CPPED1: variants seen among roughly 807,000 people sequenced by gnomAD.
CPPED1 encodes calcineurin like phosphoesterase domain containing 1.
Under a neutral mutation model 28.0 loss-of-function variants are expected in CPPED1, and 28 were observed. The ratio of observed to expected loss-of-function variants is 1.00; its 90% confidence interval spans 0.74 to 1.37. The LOEUF is 1.37. Among genes scored for constraint, CPPED1 ranks in the 40% most tolerant of loss-of-function variants. CPPED1 has a pLI of 0.00. For missense variants in CPPED1, 504 were observed against 416.5 expected (o/e 1.21, Z -1.83); for synonymous variants, 198 against 180.2 (o/e 1.10, Z -0.79).
intron 2 of CPPED1, among the ~76,000 whole-genome samples, chr16:12,769,017 C>T (rs2080455319): frequency 6.6e-6 from 1 of 152,052 alleles, no homozygotes; most frequent in Admixed American, 6.5e-5. Flanking sequence ...AGGCACATGC[C>T]CCCACACCTG....
At chr16:12,701,369 AC>A (rs2080019805) in intron 3 of CPPED1, among the ~76,000 whole-genome samples, 1 of 151,580 alleles carries the variant, frequency 6.6e-6, no homozygotes, top group African/African-American at 2.4e-5. Flanking sequence ...CCCCATCTCT[AC>A]TAAAAATGCA....
Position 12,729,966 on chromosome 16 carries a change from A to G in CPPED1, c.290-24917T>C, listed in dbSNP as rs1379962471. Among the ~76,000 whole-genome samples, 3 of 152,134 alleles carry G rather than the reference A, an allele frequency of 2.0e-5. No individual in the cohort carries two copies. The East Asian group carries it at 5.8e-4, about 29-fold the overall frequency. The stretch of plus-strand genomic sequence containing the variant: ...AACCTCAACCTCCTGGGCTCAAGTT[A>G]TCCTCCCAGCTCAGCCTCCCAAGGT... On this transcript the variant is annotated intron_variant, in intron 2 of 3. Transcript: ENST00000381774.
intron 1 of CPPED1, among the ~76,000 whole-genome samples, chr16:12,798,909 T>C (rs1263275068): frequency 6.6e-6 from 1 of 152,166 alleles, no homozygotes; most frequent in African/African-American, 2.4e-5. Context: ...AGGTGAGACA[T>C]GTACAATTTT....
At chr16:12,794,096 CT>C (rs891222880) in intron 1 of CPPED1, among the ~76,000 whole-genome samples, 6 of 152,058 alleles carry the variant, frequency 3.9e-5, no homozygotes, top group African/African-American at 1.4e-4. Flanking sequence ...CACTTTGGGA[CT>C]CTTTCTGACT....
chr16:12,746,722 T>G (rs1249800638), intron 2 of CPPED1, among the ~76,000 whole-genome samples: 3 of 152,194 alleles, frequency 2.0e-5, no homozygotes, highest in Admixed American at 2.0e-4. Flanking sequence ...TTTGTGGAAG[T>G]AAAATATGTG....
chr16:12,736,548 G>C (rs535150826), intron 2 of CPPED1, among the ~76,000 whole-genome samples: 85 of 152,156 alleles, frequency 5.6e-4, no homozygotes, highest in African/African-American at 2.0e-3. Flanking sequence ...CTGGATTTTG[G>C]CTTTCATTGT....
At chr16:12,718,871 G>A (rs534550500) in intron 2 of CPPED1, among the ~76,000 whole-genome samples, 2 of 152,176 alleles carry the variant, frequency 1.3e-5, no homozygotes, top group East Asian at 1.9e-4. Context: ...GCTGAGGCAG[G>A]AGAATCATTT....
Position 12,682,859 on chromosome 16 carries a change from G to C in CPPED1, c.716-17744C>G, listed in dbSNP as rs978112342. Among the ~76,000 whole-genome samples the C allele has an allele frequency of 2.6e-5, 4 of 152,144 alleles. No homozygotes were observed. Among genetic ancestry groups the C allele is most frequent in the African/African-American group, 9.7e-5 (4 of 41,406 alleles). ...CAGCTTGCGTGTGAAATGGAGCGTG[G>C]GGCCCACATTAAGGTTTCAATCCAG... is the stretch of plus-strand genomic sequence containing the variant. On this transcript the variant is annotated intron_variant, in intron 3 of 3. Coordinates refer to ENST00000381774, the MANE Select transcript of CPPED1 (RefSeq NM_018340.3). This position sits in a 1 kb window ranked among gnomAD's most constrained non-coding sequence, Gnocchi z 6.1.
Position 12,682,234 on chromosome 16 carries a change from G to A in CPPED1, c.716-17119C>T, listed in dbSNP as rs963717937. 5.3e-5 allele frequency among the ~76,000 whole-genome samples: 8 copies of A among 151,992 alleles called. No homozygotes were observed. Among genetic ancestry groups the A allele is most frequent in the African/African-American group, 1.4e-4 (6 of 41,384 alleles). ...GTCTTTAGTAGAGACAGGATTTTAC[G>A]ATGTTGGCCAGGCTGATCTCAAACT... On this transcript the variant is annotated intron_variant, in intron 3 of 3. Coordinates refer to ENST00000381774, the MANE Select transcript of CPPED1 (RefSeq NM_018340.3). The surrounding 1 kb of genome is among the most constrained non-coding windows in gnomAD (Gnocchi z 6.1).
At chr16:12,798,404 A>G (rs939289792) in intron 1 of CPPED1, among the ~76,000 whole-genome samples, 2 of 152,246 alleles carry the variant, frequency 1.3e-5, no homozygotes, top group Admixed American at 1.3e-4. Flanking sequence ...TTTTAAAACC[A>G]CAATATTTTC....
chr16:12,747,788 T>C (rs960451006), intron 2 of CPPED1, among the ~76,000 whole-genome samples: 19 of 152,210 alleles, frequency 1.2e-4, no homozygotes, highest in Non-Finnish European at 5.9e-5. Context: ...TATATACATA[T>C]GTCAACATTT....
intron 2 of CPPED1, among the ~76,000 whole-genome samples, chr16:12,746,584 G>C (rs549012740): frequency 6.6e-6 from 1 of 152,164 alleles, no homozygotes; most frequent in Admixed American, 6.5e-5. Flanking sequence ...AAGCCCACCA[G>C]AAATGGCAAC....
chr16:12,667,478 G>T (rs1265234166), intron 3 of CPPED1, among the ~76,000 whole-genome samples: 2 of 152,126 alleles, frequency 1.3e-5, no homozygotes, highest in Non-Finnish European at 2.9e-5. Context: ...GATAGGCCAG[G>T]CATGGTGGCT....
At chr16:12,719,513 G>C (rs772074213) in intron 2 of CPPED1, among the ~76,000 whole-genome samples, 3 of 152,118 alleles carry the variant, frequency 2.0e-5, no homozygotes, top group Non-Finnish European at 4.4e-5. Flanking sequence ...CTCTTGGAAA[G>C]ATACCCAAGA....
At chr16:12,674,877 G>C (rs1244104842) in intron 3 of CPPED1, among the ~76,000 whole-genome samples, 4 of 152,178 alleles carry the variant, frequency 2.6e-5, no homozygotes, top group Non-Finnish European at 5.9e-5. Context: ...ATGGGTGGCA[G>C]AGGTCTGGGG....
rs919199147 is a variant in CPPED1, at chr16:12,803,732, G to C, written c.45C>G (p.Gly15=). ...CTGCGGGAAACGCGGCCAGGGTCCTGCCCCTGGCTCTGTGGAAAACACCCC... is the reference window on the plus strand; with the variant it reads ...CTGCGGGAAACGCGGCCAGGGTCCTCCCCCTGGCTCTGTGGAAAACACCCC... ...EAGGVFHRAR[G]RTLAAFPAEK... Residue 15 remains glycine (G), a synonymous_variant, in exon 1 of 4, where the codon GGC becomes GGG. Coordinates refer to ENST00000381774, the MANE Select transcript of CPPED1 (RefSeq NM_018340.3). The C allele has an allele frequency of 1.0e-5, 16 of 1,593,526 alleles. No homozygotes were observed. In the African/African-American group the frequency reaches 1.4e-4, roughly 14 times the overall value.
intron 2 of CPPED1, among the ~76,000 whole-genome samples, chr16:12,778,058 C>T (rs9889214): frequency 0.043 from 6,561 of 151,676 alleles, 462 homozygotes; most frequent in African/African-American, 0.15. Flanking sequence ...GACAGGCCCA[C>T]GCCACCATGC....
At chr16:12,758,938 G>A (rs2080390331) in intron 2 of CPPED1, among the ~76,000 whole-genome samples, 1 of 151,988 alleles carries the variant, frequency 6.6e-6, no homozygotes, top group African/African-American at 2.4e-5. Context: ...AGAGGCAGGA[G>A]GATCGCTTGA....
intron 1 of CPPED1, among the ~76,000 whole-genome samples, chr16:12,796,800 A>G (rs1186390190): frequency 6.6e-6 from 1 of 152,230 alleles, no homozygotes; most frequent in East Asian, 1.9e-4. Context: ...TTTATTCCCA[A>G]TAGACAAGAG....
Sources: gnomAD v4.1 joint callset for allele counts (sites outside exome capture counted in the v4.1 genomes callset) on GRCh38, gnomAD v4.1.1 for gene constraint, Gnocchi (gnomAD v3.1) non-coding constraint, MANE v1.5 for transcripts, NCBI Gene and HGNC (gene_info 2026-07-23, HGNC 2026-07-21) for gene names.